Variants in CD180 observed in about 807,000 individuals in gnomAD.
CD180 encodes the protein CD180 antigen.
CD180 carries 11 observed loss-of-function variants against 10.7 expected under a neutral mutation model. The observed-to-expected ratio is 1.03, with a 90% CI of 0.65 to 1.70. The LOEUF is 1.70. Ranked by LOEUF, CD180 falls within the 40% of genes most tolerant of loss-of-function variation. CD180 has a pLI of 0.00. For synonymous variants in CD180, 286 were observed against 294.6 expected (o/e 0.97, Z 0.30); for missense variants, 729 against 775.2 (o/e 0.94, Z 0.71).
chr5:67,186,851 T>G (rs1248102546), intron 1 of CD180, among the ~76,000 whole-genome samples: 1 of 145,908 alleles, frequency 6.9e-6, no homozygotes, highest in Non-Finnish European at 1.5e-5. Context: ...GTTCTATCTG[T>G]GTGTGTGTGT....
chr5:67,190,817 T>G (rs1742291221), intron 1 of CD180: 2 of 508,190 alleles, frequency 3.9e-6, no homozygotes, highest in African/African-American at 4.2e-5. Context: ...GGCTCTTATT[T>G]TCCTCCCTTC....
chr5:67,183,620 G>A lies in CD180; in HGVS notation c.1223C>T (p.Pro408Leu), dbSNP rs891408298. ...LQTLNLSHNE[P>L]LGLQSQAFKE... Reference sequence around the variant, plus strand: ...GAATGCCTGACTCTGGAGACCAAGAGGCTCATTGTGGCTCAGGTTTAAGGT... The same window carrying A: ...GAATGCCTGACTCTGGAGACCAAGAAGCTCATTGTGGCTCAGGTTTAAGGT... The change falls in exon 3 of 3, where the codon CCT becomes CTT. Residue 408 changes from proline to leucine, a missense_variant. Coordinates refer to ENST00000256447, the MANE Select transcript of CD180 (RefSeq NM_005582.3). 5.0e-6 allele frequency: 8 copies of A among 1,614,168 alleles called. No individual in the cohort carries two copies. In the Middle Eastern group the frequency reaches 4.9e-4, roughly 100 times the overall value.
In CD180 at chr5:67,184,348, C is replaced by T; in HGVS notation, c.495G>A (p.Lys165=). ...TCCGTGCTGGGAAGTCTTTGGGGAA[C>T]TTAATGGAGGAAATATGGTTGCTTC... ...YLGSNHISSI[K]FPKDFPARNL... Residue 165 remains lysine (K), a synonymous_variant, in exon 3 of 3, where the codon AAG becomes AAA. Transcript: ENST00000256447. 2 of 1,614,144 alleles carry T rather than the reference C, an allele frequency of 1.2e-6. No homozygotes were observed. Among genetic ancestry groups the T allele is most frequent in the African/African-American group, 1.3e-5 (1 of 75,042 alleles).
intron 1 of CD180, among the ~76,000 whole-genome samples, chr5:67,186,461 T>C (rs1742196560): frequency 6.6e-6 from 1 of 152,114 alleles, no homozygotes; most frequent in African/African-American, 2.4e-5. Context: ...AATTTTCTTA[T>C]ATTTGTTAAA....
In CD180 at chr5:67,196,542, T is replaced by C. The variant is rs1294117235; in HGVS notation, c.90+10A>G. On this transcript the variant is annotated intron_variant, in intron 1 of 2. Coordinates refer to ENST00000256447, the MANE Select transcript of CD180 (RefSeq NM_005582.3). ...TTTAATCTGCATAAAGACAAACAGT[T>C]TGGACTCACCTCAATGCACATCTGA... 2 of 1,613,946 alleles carry C rather than the reference T, an allele frequency of 1.2e-6. No individual in the cohort carries two copies. The highest frequency in any genetic ancestry group is 2.2e-5 in the East Asian group (1 of 44,876).
intron 1 of CD180, among the ~76,000 whole-genome samples, chr5:67,192,318 T>C (rs902657658): frequency 7.9e-5 from 12 of 151,594 alleles, no homozygotes; most frequent in African/African-American, 2.7e-4. Context: ...ACCTGGGAGG[T>C]GGAGCTTGCA....
chr5:67,191,006 T>C (rs1338340517), intron 1 of CD180: 1 of 985,270 alleles, frequency 1.0e-6, no homozygotes. Flanking sequence ...TCTGGGACAC[T>C]GACCTCCAAC....
chr5:67,184,049 G>T lies in CD180; in HGVS notation c.794C>A (p.Ser265Ter). Residue 265 changes from serine (S) to a stop codon, truncating the protein, a stop_gained, in exon 3 of 3, where the codon TCA becomes TAA. Coordinates refer to ENST00000256447, the MANE Select transcript of CD180 (RefSeq NM_005582.3). LOFTEE classifies it low-confidence loss of function (END_TRUNC). The stretch of plus-strand genomic sequence containing the variant: ...TTCACAGAGTCCCTTGAGCATGGCT[G>T]AACTAATATCTTCGTCATCAATGTC... ...FEDIDDEDIS[S>*]AMLKGLCEMS... 1 of 1,614,134 alleles carries T rather than the reference G, an allele frequency of 6.2e-7. No individual in the cohort carries two copies. The highest frequency in any genetic ancestry group is 1.1e-5 in the South Asian group (1 of 91,080).
intron 2 of CD180, 65 bp from the exon 3 acceptor site, chr5:67,184,650 A>G: frequency 1.5e-5 from 19 of 1,283,258 alleles, no homozygotes; most frequent in Non-Finnish European, 1.9e-5. Context: ...CTTTACAGTG[A>G]CACACATTAA....
rs546532328 is a variant in CD180 at position 67,190,243 on chromosome 5, A to G, written c.91-4226T>C. Among the ~76,000 whole-genome samples the G allele has an allele frequency of 2.0e-5, 3 of 152,328 alleles. No individual in the cohort carries two copies. The South Asian group carries it at 6.2e-4, about 32-fold the overall frequency. On this transcript the variant is annotated intron_variant, in intron 1 of 2. Transcript: ENST00000256447. ...TTAGTAAGGGTGTGTCATTCTCCCTATCAATATTCAAATGAAACATTTTTG... is the reference window on the plus strand; with the variant it reads ...TTAGTAAGGGTGTGTCATTCTCCCTGTCAATATTCAAATGAAACATTTTTG...
chr5:67,183,385 GA>G lies in CD180; in HGVS notation c.1457del (p.Ile486ThrfsTer16), dbSNP rs761299831. The G allele has an allele frequency of 4.3e-6, 7 of 1,614,216 alleles. No homozygotes were observed. The South Asian group carries it at 7.7e-5, about 18-fold the overall frequency. Reference sequence around the variant, plus strand: ...CGGTCTGAAGTAGGTTGGTCTTCGTGATAGTCCCATCTTGAAAGTGATTCCC... The same window carrying G: ...CGGTCTGAAGTAGGTTGGTCTTCGTGTAGTCCCATCTTGAAAGTGATTCCC... ...LKGNHFQDGT[I>X]TKTNLLQTVG... On this transcript the variant is annotated frameshift_variant, in exon 3 of 3. Coordinates refer to ENST00000256447, the MANE Select transcript of CD180 (RefSeq NM_005582.3). LOFTEE classifies it low-confidence loss of function (END_TRUNC).
intron 1 of CD180, among the ~76,000 whole-genome samples, chr5:67,188,921 C>T (rs1486849138): frequency 6.6e-6 from 1 of 152,168 alleles, no homozygotes; most frequent in Non-Finnish European, 1.5e-5. Context: ...ATGCACACTT[C>T]GCATTTAAAA....
In CD180 at chr5:67,181,011, A is replaced by T. The variant is rs1246789955; in HGVS notation, c.*1846T>A. 6.7e-6 allele frequency: 1 copy of T among 148,408 alleles called. No homozygotes were observed. The highest frequency in any genetic ancestry group is 2.5e-5 in the African/African-American group (1 of 39,428). 9.2% of individuals were successfully genotyped at this position (148,408 alleles called of 1,614,324 possible). ...AAGAATCAGTCTCAAAAAAAAAATT[A>T]TATATATATATACACACACACATAC... On this transcript the variant is annotated 3_prime_UTR_variant, in exon 3 of 3. Coordinates refer to ENST00000256447, the MANE Select transcript of CD180 (RefSeq NM_005582.3).
chr5:67,192,674 C>T (rs1240259101), intron 1 of CD180, among the ~76,000 whole-genome samples: 1 of 152,058 alleles, frequency 6.6e-6, no homozygotes, highest in African/African-American at 2.4e-5. Context: ...AAGACAGCAC[C>T]AAGCTGTGAC....
chr5:67,185,424 G>T (rs1410116385), intron 2 of CD180, among the ~76,000 whole-genome samples: 1 of 151,852 alleles, frequency 6.6e-6, no homozygotes. Flanking sequence ...TCCCAATTAT[G>T]CCACTATAAC....
At chr5:67,193,010 C>T (rs896944125) in intron 1 of CD180, among the ~76,000 whole-genome samples, 2 of 152,190 alleles carry the variant, frequency 1.3e-5, no homozygotes, top group Non-Finnish European at 2.9e-5. Flanking sequence ...CCTTCTGCTG[C>T]GTAAATGAAT....
chr5:67,186,604 T>A (rs2151166737), intron 1 of CD180, among the ~76,000 whole-genome samples: 1 of 152,332 alleles, frequency 6.6e-6, no homozygotes, highest in East Asian at 1.9e-4. Flanking sequence ...TGAATGGAAA[T>A]GTTTAATTTC....
At position 67,184,541 on chromosome 5, in the gene CD180, T is replaced by A; in HGVS notation, c.302A>T (p.His101Leu). Residue 101 changes from histidine (H) to leucine (L), a missense_variant, in exon 3 of 3, where the codon CAT becomes CTT. By Grantham distance (99) the His-to-Leu change is moderately conservative. Coordinates refer to ENST00000256447, the MANE Select transcript of CD180 (RefSeq NM_005582.3). ...AGTTAACACAAGTGTGCTTAATTGATGATGGCTTTGAAAAGTGTCTTCATG... is the reference window on the plus strand; with the variant it reads ...AGTTAACACAAGTGTGCTTAATTGAAGATGGCTTTGAAAAGTGTCTTCATG... ...WIHEDTFQSH[H>L]QLSTLVLTGN... 6.2e-7 allele frequency: 1 copy of A among 1,605,772 alleles called. No individual in the cohort carries two copies. The highest frequency in any genetic ancestry group is 8.5e-7 in the Non-Finnish European group (1 of 1,172,760).
At chr5:67,194,364 C>G (rs1742361272) in intron 1 of CD180, among the ~76,000 whole-genome samples, 1 of 151,224 alleles carries the variant, frequency 6.6e-6, no homozygotes, top group Non-Finnish European at 1.5e-5. Flanking sequence ...TAGATAACAT[C>G]TATTATAGAA....
Sources: gnomAD v4.1 joint callset for allele counts (sites outside exome capture counted in the v4.1 genomes callset) on GRCh38, gnomAD v4.1.1 for gene constraint, MANE v1.5 for transcripts, NCBI Gene and HGNC (gene_info 2026-07-23, HGNC 2026-07-21) for gene names.